The following CCSER1 variants were observed in gnomAD, a reference collection of about 807,000 sequenced individuals.
CCSER1 encodes serine-rich coiled-coil domain-containing protein 1.
A neutral mutation model predicts 82.0 loss-of-function variants in CCSER1; 41 were observed. The ratio of observed to expected loss-of-function variants is 0.50; its 90% confidence interval spans 0.39 to 0.65. The LOEUF is 0.65. CCSER1 is among the 30% of genes least tolerant of loss of function. The pLI, the probability that CCSER1 is intolerant of heterozygous loss-of-function variation, is 0.00. For synonymous variants in CCSER1, 414 were observed against 383.9 expected, an observed-to-expected ratio of 1.08 and a Z score of -0.92; for missense variants, 1,119 against 1,064.2, an observed-to-expected ratio of 1.05 and a Z score of -0.72.
At chr4:90,490,634 G>T (rs747381868) in intron 5 of CCSER1, among the ~76,000 whole-genome samples, 1 of 151,950 alleles carries the variant, frequency 6.6e-6, no homozygotes, top group Admixed American at 6.6e-5. Context: ...AGGTTTTCTT[G>T]TAGGGATTTT....
At chr4:91,316,843 A>G (rs752147194) in intron 10 of CCSER1, among the ~76,000 whole-genome samples, 2 of 151,974 alleles carry the variant, frequency 1.3e-5, no homozygotes, top group Non-Finnish European at 2.9e-5. Context: ...TCAAGCTCAT[A>G]GAAATAAAGA....
chr4:90,929,122 A>G (rs930121367), intron 9 of CCSER1, among the ~76,000 whole-genome samples: 8 of 152,050 alleles, frequency 5.3e-5, no homozygotes, highest in Non-Finnish European at 1.0e-4. Context: ...TTGGATTTAT[A>G]TGCTTTAAAT....
In CCSER1 at chr4:91,238,794, TC is replaced by T. The variant is rs369387354; in HGVS notation, c.2217+152801del. ...ATTCATAAAAACGGTTTGCATTTACTCAGTATTACTAAGTGTTAGATACTAT... is the reference window on the plus strand; with the variant it reads ...ATTCATAAAAACGGTTTGCATTTACTAGTATTACTAAGTGTTAGATACTAT... On this transcript the variant is annotated intron_variant, in intron 10 of 10. Transcript: ENST00000509176. Among the ~76,000 whole-genome samples, 207 of 152,164 alleles carry T rather than the reference TC, an allele frequency of 1.4e-3. 1 individual carries two copies. The highest frequency in any genetic ancestry group is 4.9e-3 in the African/African-American group (203 of 41,548).
intron 8 of CCSER1, among the ~76,000 whole-genome samples, chr4:90,913,373 T>A (rs1390522525): frequency 1.3e-5 from 2 of 152,120 alleles, no homozygotes; most frequent in Admixed American, 1.3e-4. Context: ...AACTCAGAAT[T>A]TCATATCCAG....
At chr4:90,232,028 T>G (rs201044380) in intron 1 of CCSER1, among the ~76,000 whole-genome samples, 1,851 of 152,024 alleles carry the variant, frequency 0.012, 27 homozygotes, top group African/African-American at 0.035. Flanking sequence ...AATCAATATC[T>G]TGAAAATGGC....
chr4:91,528,006 C>T (rs1443010645), intron 10 of CCSER1, among the ~76,000 whole-genome samples: 2 of 152,102 alleles, frequency 1.3e-5, no homozygotes, highest in Admixed American at 6.6e-5. Flanking sequence ...CCTCCACTTC[C>T]CAGGATCGAA....
At chr4:91,111,183 GCTGGTTAAATTA>G (rs1726064915) in intron 10 of CCSER1, among the ~76,000 whole-genome samples, 2 of 151,904 alleles carry the variant, frequency 1.3e-5, no homozygotes, top group Non-Finnish European at 2.9e-5. Flanking sequence ...GGCAAACTCA[GCTGGTTAAATTA>G]CCCGTTATCC....
At chr4:91,124,747 G>T (rs1727360288) in intron 10 of CCSER1, among the ~76,000 whole-genome samples, 1 of 151,844 alleles carries the variant, frequency 6.6e-6, no homozygotes, top group Non-Finnish European at 1.5e-5. Context: ...AAATGTGTGT[G>T]AAAGGATGAA....
chr4:90,489,150 T>C (rs915168021), intron 5 of CCSER1, among the ~76,000 whole-genome samples: 2 of 152,186 alleles, frequency 1.3e-5, no homozygotes, highest in Non-Finnish European at 2.9e-5. Flanking sequence ...TTTCAACTTT[T>C]ATTTCTTTCA....
Position 91,047,253 on chromosome 4 carries a change from C to CAT in CCSER1, c.2173-38688_2173-38687dup, listed in dbSNP as rs371982359. Among the ~76,000 whole-genome samples, 1,384 of 151,972 alleles carry CAT rather than the reference C, an allele frequency of 9.1e-3. 12 individuals carry two copies. The highest frequency in any genetic ancestry group is 0.014 in the Non-Finnish European group (981 of 67,956). Reference sequence around the variant, plus strand: ...GCATATATATATACACACACACACACATATATATATTTCTCAAAAGCATAT... The same window carrying CAT: ...GCATATATATATACACACACACACACATATATATATATTTCTCAAAAGCATAT... On this transcript the variant is annotated intron_variant, in intron 9 of 10. Transcript: ENST00000509176.
At chr4:91,038,424 A>C (rs1198785418) in intron 9 of CCSER1, among the ~76,000 whole-genome samples, 2 of 129,724 alleles carry the variant, frequency 1.5e-5, no homozygotes, top group African/African-American at 6.0e-5. Flanking sequence ...ACAATTAGCA[A>C]AATATTTTAA....
At chr4:90,234,163 A>T (rs940652520) in intron 1 of CCSER1, among the ~76,000 whole-genome samples, 4 of 151,946 alleles carry the variant, frequency 2.6e-5, no homozygotes, top group Non-Finnish European at 5.9e-5. Context: ...ATAATTGCTG[A>T]AATTTAACAT....
intron 1 of CCSER1, among the ~76,000 whole-genome samples, chr4:90,302,220 A>T (rs1017527219): frequency 1.3e-5 from 2 of 152,138 alleles, no homozygotes; most frequent in African/African-American, 2.4e-5. Flanking sequence ...AAGCAAGGAG[A>T]AATGGTTTTT....
chr4:90,314,158 A>G (rs1735762567), intron 3 of CCSER1, among the ~76,000 whole-genome samples: 1 of 152,204 alleles, frequency 6.6e-6, no homozygotes, highest in Non-Finnish European at 1.5e-5. Context: ...TTGTAACCAC[A>G]AAATAGCAAG....
chr4:91,259,416 C>T (rs1178600924), intron 10 of CCSER1, among the ~76,000 whole-genome samples: 1 of 152,096 alleles, frequency 6.6e-6, no homozygotes, highest in African/African-American at 2.4e-5. Context: ...AGGATATCAA[C>T]TCATACAAAC....
intron 10 of CCSER1, among the ~76,000 whole-genome samples, chr4:91,341,264 T>C (rs1479357499): frequency 1.3e-5 from 2 of 152,206 alleles, no homozygotes; most frequent in African/African-American, 4.8e-5. Flanking sequence ...AAGGGCACCA[T>C]AGAGAATGGA....
At chr4:90,361,957 G>T (rs1021508840) in intron 3 of CCSER1, among the ~76,000 whole-genome samples, 14 of 152,146 alleles carry the variant, frequency 9.2e-5, no homozygotes, top group African/African-American at 3.4e-4. Context: ...CAAAAAGCAG[G>T]TTGTTCACTC....
At chr4:90,843,870 A>T (rs1762867558) in intron 8 of CCSER1, among the ~76,000 whole-genome samples, 1 of 152,090 alleles carries the variant, frequency 6.6e-6, no homozygotes, top group South Asian at 2.1e-4. Context: ...CCTTTAAGAA[A>T]ATTTAACTAT....
chr4:90,511,782 A>C (rs1560637450), intron 5 of CCSER1, among the ~76,000 whole-genome samples: 1 of 152,168 alleles, frequency 6.6e-6, no homozygotes, highest in Admixed American at 6.5e-5. Context: ...AAAATAATTG[A>C]TGAGAGAGGA....
Sources: allele counts gnomAD v4.1 joint callset (sites outside exome capture counted in the v4.1 genomes callset), GRCh38; gene constraint gnomAD v4.1.1; transcripts MANE v1.5; gene names NCBI Gene and HGNC (gene_info 2026-07-23, HGNC 2026-07-21).